AK2: variants seen among roughly 807,000 people sequenced by gnomAD.
AK2 encodes adenylate kinase 2, mitochondrial.
Under a neutral mutation model 24.6 loss-of-function variants are expected in AK2, and 15 were observed. The ratio of observed to expected loss-of-function variants is 0.61; its 90% CI spans 0.41 to 0.94. The LOEUF (loss-of-function observed/expected upper bound fraction) is 0.94. Among genes scored for constraint, AK2 ranks in the 40% least tolerant of loss-of-function variants. AK2 has a pLI of 0.00. For synonymous variants in AK2, 102 were observed against 114.0 expected (o/e 0.90, Z 0.67); for missense variants, 257 against 304.1 (o/e 0.85, Z 1.15).
intron 4 of AK2, among the ~76,000 whole-genome samples, chr1:33,021,148 A>G (rs1639524613): frequency 6.6e-6 from 1 of 152,044 alleles, no homozygotes; most frequent in South Asian, 2.1e-4. Context: ...TCCCATCTAA[A>G]AAAAAAAAGT....
Position 33,021,508 on chromosome 1 carries a change from AC to A in AK2, c.331-48del, listed in dbSNP as rs766758880. ...ACCTAAGCTACCAGAGCTTGGTTAG[AC>A]CCATCTCCTTCAAAGGAATTAAGAA... is the stretch of plus-strand genomic sequence containing the variant. On this transcript the variant is annotated intron_variant, in intron 3 of 5. Coordinates refer to ENST00000672715, the MANE Select transcript of AK2 (RefSeq NM_001625.4). The A allele has an allele frequency of 3.1e-6, 5 of 1,605,604 alleles. No homozygotes were observed. The African/African-American group carries it at 6.7e-5, about 21-fold the overall frequency.
At position 33,008,583 on chromosome 1, in the gene AK2, G is replaced by GC; in HGVS notation, c.*4597_*4598insG. The GC allele has an allele frequency of 2.2e-6, 1 of 454,080 alleles. No homozygotes were observed. The highest frequency in any genetic ancestry group is 6.9e-5 in the East Asian group (1 of 14,390). 28.1% of individuals were successfully genotyped at this position (454,080 alleles called of 1,614,324 possible). ...AGTAATTAAATCACTTCAGCAACAA[G>GC]ATCAAGGGGACGGATAAGTGTTAGA... On this transcript the variant is annotated 3_prime_UTR_variant, in exon 6 of 6. Coordinates refer to ENST00000672715, the MANE Select transcript of AK2 (RefSeq NM_001625.4).
intron 1 of AK2, among the ~76,000 whole-genome samples, chr1:33,027,747 C>CAAA (rs1157782051): frequency 1.6e-5 from 1 of 62,088 alleles, no homozygotes; most frequent in African/African-American, 5.9e-5. Context: ...ACTCTTGTCT[C>CAAA]AAAAAAAAAA....
chr1:33,020,866 G>C (rs1304155873), intron 4 of AK2, among the ~76,000 whole-genome samples: 1 of 146,348 alleles, frequency 6.8e-6, no homozygotes. Flanking sequence ...AGCAATAAGA[G>C]CCAGGCACAG....
chr1:33,009,144 C>T lies in AK2; in HGVS notation c.*4037G>A. ...CAGGATTTAATATGTCAGTGAAGACCCTGCCTCTCTCTGTAACAAGATGCC... is the reference window on the plus strand; with the variant it reads ...CAGGATTTAATATGTCAGTGAAGACTCTGCCTCTCTCTGTAACAAGATGCC... On this transcript the variant is annotated 3_prime_UTR_variant, in exon 6 of 6. Coordinates refer to ENST00000672715, the MANE Select transcript of AK2 (RefSeq NM_001625.4). 4 of 452,114 alleles carry T rather than the reference C, an allele frequency of 8.8e-6. No individual in the cohort carries two copies. Among genetic ancestry groups the T allele is most frequent in the Non-Finnish European group, 4.4e-6 (1 of 225,650 alleles). 28.0% of individuals were successfully genotyped at this position (452,114 alleles called of 1,614,324 possible).
Position 33,020,079 on chromosome 1 carries a change from G to A in AK2, c.425+1288C>T, listed in dbSNP as rs1045193838. On this transcript the variant is annotated intron_variant, in intron 4 of 5. Coordinates refer to ENST00000672715, the MANE Select transcript of AK2 (RefSeq NM_001625.4). ...GCAGATGGCAGTGATTAGTGAAACAGGGTAGAGACAACTGTAGGCTAAAGC... is the reference window on the plus strand; with the variant it reads ...GCAGATGGCAGTGATTAGTGAAACAAGGTAGAGACAACTGTAGGCTAAAGC... 1.2e-5 allele frequency: 18 copies of A among 1,535,346 alleles called. No individual in the cohort carries two copies. The African/African-American group carries it at 2.3e-4, about 20-fold the overall frequency.
At position 33,011,718 on chromosome 1, in the gene AK2, C is replaced by T; in HGVS notation, c.*1463G>A. On this transcript the variant is annotated 3_prime_UTR_variant, in exon 6 of 6. Transcript: ENST00000672715. ...AGCAGTCTGTTACTTCATCTGTTTG[C>T]CACAAATCAAACCAGAGACCAAAAG... 1.5e-6 allele frequency: 2 copies of T among 1,337,040 alleles called. No homozygotes were observed. The highest frequency in any genetic ancestry group is 1.2e-5 in the South Asian group (1 of 81,386). 82.8% of individuals were successfully genotyped at this position (1,337,040 alleles called of 1,614,324 possible). A position where few individuals can be genotyped will look rare whatever the true frequency, so the allele number is the denominator to read the frequency against.
rs1387976470 is a variant in AK2 at position 33,012,716 on chromosome 1, G to A, written c.*465C>T. ...GTTCAAGACCAGCCTGGGCAACTTG[G>A]CAAAATCCTGTCTCTACAAAAAATA... On this transcript the variant is annotated 3_prime_UTR_variant, in exon 6 of 6. Coordinates refer to ENST00000672715, the MANE Select transcript of AK2 (RefSeq NM_001625.4). The A allele has an allele frequency of 9.3e-7, 1 of 1,080,882 alleles. No individual in the cohort carries two copies. The highest frequency in any genetic ancestry group is 2.3e-5 in the Admixed American group (1 of 43,224). The allele number at this position is 1,080,882 out of a possible 1,614,324, so 67.0% of individuals were successfully genotyped here.
chr1:33,036,858 T>A lies in AK2; in HGVS notation c.-30A>T. On this transcript the variant is annotated 5_prime_UTR_variant, in exon 1 of 6. Transcript: ENST00000672715. ...GCCGAAGTCTCTCACTGCCACCAGT[T>A]CGCACGCCTCACAGGTCCAGTGCTT... The A allele has an allele frequency of 1.0e-5, 16 of 1,552,832 alleles. No individual in the cohort carries two copies. Among genetic ancestry groups the A allele is most frequent in the Non-Finnish European group, 1.4e-5 (16 of 1,144,262 alleles).
intron 1 of AK2, among the ~76,000 whole-genome samples, chr1:33,033,511 T>A (rs1375370291): frequency 6.6e-6 from 1 of 152,046 alleles, no homozygotes; most frequent in Non-Finnish European, 1.5e-5. Context: ...TGTAAAAAAA[T>A]AAATAAATAA....
rs1638614017 is a variant in AK2, at chr1:33,008,526, A to C, written c.*4655T>G. 2.2e-6 allele frequency: 1 copy of C among 454,006 alleles called. No homozygotes were observed. Among genetic ancestry groups the C allele is most frequent in the African/African-American group, 2.0e-5 (1 of 49,992 alleles). 28.1% of individuals were successfully genotyped at this position (454,006 alleles called of 1,614,324 possible). On this transcript the variant is annotated 3_prime_UTR_variant, in exon 6 of 6. Coordinates refer to ENST00000672715, the MANE Select transcript of AK2 (RefSeq NM_001625.4). The stretch of plus-strand genomic sequence containing the variant: ...TGTCCATGGAAAAGAGCTCTTATTC[A>C]GAGCAGCCCTTCCTGTGTGCAGAGC...
At position 33,012,657 on chromosome 1, in the gene AK2, G is replaced by A; in HGVS notation, c.*524C>T. 7.8e-7 allele frequency: 1 copy of A among 1,282,360 alleles called. No homozygotes were observed. The highest frequency in any genetic ancestry group is 1.2e-5 in the South Asian group (1 of 80,740). The allele number at this position is 1,282,360 out of a possible 1,614,324, so 79.4% of individuals were successfully genotyped here. On this transcript the variant is annotated 3_prime_UTR_variant, in exon 6 of 6. Transcript: ENST00000672715. ...CACGTCTGTGATCCTGGCACTTCAG[G>A]AGGCCAAGGTGGGTGGATTGCTTAA...
intron 1 of AK2, among the ~76,000 whole-genome samples, chr1:33,033,040 G>A (rs1640340594): frequency 6.6e-6 from 1 of 151,998 alleles, no homozygotes; most frequent in African/African-American, 2.4e-5. Flanking sequence ...GCAGGCACCT[G>A]TAGTCCCAGC....
In AK2 at chr1:33,013,037, C is replaced by A. The variant is rs760938958; in HGVS notation, c.*144G>T. On this transcript the variant is annotated 3_prime_UTR_variant, in exon 6 of 6. Coordinates refer to ENST00000672715, the MANE Select transcript of AK2 (RefSeq NM_001625.4). ...CACACAGATGAGAGTAGCACACACG[C>A]CAAAGATACATCAAGCAAGTGCTTT... 6 of 1,598,610 alleles carry A rather than the reference C, an allele frequency of 3.8e-6. No homozygotes were observed. Among genetic ancestry groups the A allele is most frequent in the Non-Finnish European group, 5.1e-6 (6 of 1,178,960 alleles).
At chr1:33,030,666 C>T (rs773676863) in intron 1 of AK2, among the ~76,000 whole-genome samples, 3 of 152,194 alleles carry the variant, frequency 2.0e-5, no homozygotes, top group East Asian at 1.9e-4. Context: ...CATTGTTTTA[C>T]GGTACTTAGT....
At chr1:33,016,379 T>G (rs992614303) in intron 4 of AK2, among the ~76,000 whole-genome samples, 1 of 152,076 alleles carries the variant, frequency 6.6e-6, no homozygotes. Flanking sequence ...GCCTGGCTAA[T>G]TTTTTGTATA....
chr1:33,031,503 T>C (rs1413938970), intron 1 of AK2: 1 of 442,154 alleles, frequency 2.3e-6, no homozygotes, highest in Non-Finnish European at 4.6e-6. Flanking sequence ...TTGTAATTAT[T>C]ACACCCTCCT....
chr1:33,035,976 T>TA (rs149638780), intron 1 of AK2, among the ~76,000 whole-genome samples: 10 of 151,124 alleles, frequency 6.6e-5, no homozygotes, highest in Non-Finnish European at 1.2e-4. Context: ...AAAAACAAAA[T>TA]AAAAAAAAAT....
chr1:33,010,827 T>C lies in AK2; in HGVS notation c.*2354A>G, dbSNP rs765475249. 30 of 1,614,244 alleles carry C rather than the reference T, an allele frequency of 1.9e-5. No individual in the cohort carries two copies. The highest frequency in any genetic ancestry group is 1.6e-4 in the Middle Eastern group (1 of 6,062). On this transcript the variant is annotated 3_prime_UTR_variant, in exon 6 of 6. Transcript: ENST00000672715. ...GTTGCAGTCTCGCCTGGCCTTCTGA[T>C]ACTAGGCTGAAATAGAGAGGAAACA...
Sources: gnomAD v4.1 joint callset for allele counts (sites outside exome capture counted in the v4.1 genomes callset) on GRCh38, gnomAD v4.1.1 for gene constraint, MANE v1.5 for transcripts, NCBI Gene and HGNC (gene_info 2026-07-23, HGNC 2026-07-21) for gene names.